Variants in NKAIN3 observed in about 807,000 individuals in gnomAD.
NKAIN3 encodes the protein sodium/potassium-transporting ATPase subunit beta-1-interacting protein 3.
Under a neutral mutation model 30.2 loss-of-function variants are expected in NKAIN3, and 25 were observed. The observed-to-expected ratio is 0.83, with a 90% CI of 0.60 to 1.16. The LOEUF (loss-of-function observed/expected upper bound fraction) is 1.16, where lower values mean the gene tolerates loss of function less well. NKAIN3 is among the 50% of genes most tolerant of loss of function. The probability of loss-of-function intolerance (pLI) is 0.00; values close to 1 mark genes in which losing one functional copy is unlikely to be tolerated. For missense variants in NKAIN3, 225 were observed against 254.1 expected (o/e 0.89, Z 0.78); for synonymous variants, 91 against 89.6 (o/e 1.02, Z -0.09).
chr8:62,316,601 T>C (rs1814640643), intron 1 of NKAIN3, among the ~76,000 whole-genome samples: 1 of 152,148 alleles, frequency 6.6e-6, no homozygotes, highest in South Asian at 2.1e-4. Flanking sequence ...CTACAAAGGA[T>C]ATGAACTCAT....
intron 4 of NKAIN3, among the ~76,000 whole-genome samples, chr8:62,782,140 T>C (rs759087106): frequency 2.0e-5 from 3 of 151,864 alleles, no homozygotes; most frequent in Non-Finnish European, 4.4e-5. Flanking sequence ...TAAAAGAAGA[T>C]ATGCAAATGG....
chr8:62,334,460 A>G (rs1815465945), intron 1 of NKAIN3, among the ~76,000 whole-genome samples: 1 of 152,120 alleles, frequency 6.6e-6, no homozygotes, highest in South Asian at 2.1e-4. Flanking sequence ...CAGTCCTTGC[A>G]TTAGAACCTC....
At chr8:62,492,270 G>C (rs948118505) in intron 1 of NKAIN3, among the ~76,000 whole-genome samples, 1 of 152,150 alleles carries the variant, frequency 6.6e-6, no homozygotes, top group Non-Finnish European at 1.5e-5. Context: ...GTAGAGTGCA[G>C]TATTTATTTA....
In NKAIN3 at chr8:62,494,611, C is replaced by T. The variant is rs1230929490; in HGVS notation, c.55-84928C>T. On this transcript the variant is annotated intron_variant, in intron 1 of 6. Coordinates refer to ENST00000623646, the MANE Select transcript of NKAIN3 (RefSeq NM_001304533.3). ...GGAATGCTACCAGCTTTTCCTTGTACATCTGGTAGAACTTGGCTGTGAGTT... is the reference window on the plus strand; with the variant it reads ...GGAATGCTACCAGCTTTTCCTTGTATATCTGGTAGAACTTGGCTGTGAGTT... 2.0e-5 allele frequency among the ~76,000 whole-genome samples: 3 copies of T among 152,200 alleles called. No homozygotes were observed. In the East Asian group the frequency reaches 5.8e-4, roughly 29 times the overall value.
intron 4 of NKAIN3, among the ~76,000 whole-genome samples, chr8:62,840,797 A>C (rs1361076595): frequency 6.6e-6 from 1 of 152,142 alleles, no homozygotes; most frequent in Admixed American, 6.6e-5. Flanking sequence ...AAATGTCTCT[A>C]TTGAATATAT....
chr8:62,495,038 A>G (rs916648706), intron 1 of NKAIN3, among the ~76,000 whole-genome samples: 2 of 152,054 alleles, frequency 1.3e-5, no homozygotes, highest in African/African-American at 4.8e-5. Context: ...TTTAAAGGTT[A>G]CTTGGAAATC....
At chr8:62,888,941 T>C (rs1209014559) in intron 4 of NKAIN3, among the ~76,000 whole-genome samples, 1 of 152,200 alleles carries the variant, frequency 6.6e-6, no homozygotes, top group Non-Finnish European at 1.5e-5. Flanking sequence ...GTTGAACTGA[T>C]TTGAGAGGTT....
intron 3 of NKAIN3, among the ~76,000 whole-genome samples, chr8:62,625,752 G>C (rs1811768836): frequency 6.6e-6 from 1 of 152,028 alleles, no homozygotes; most frequent in South Asian, 2.1e-4. Context: ...AGAGTGAGAA[G>C]GAATTGGAAA....
At chr8:62,907,050 A>G (rs946174347) in intron 4 of NKAIN3, among the ~76,000 whole-genome samples, 1 of 152,212 alleles carries the variant, frequency 6.6e-6, no homozygotes, top group Non-Finnish European at 1.5e-5. Flanking sequence ...AAATGCTGAT[A>G]GTGATATGGA....
intron 4 of NKAIN3, among the ~76,000 whole-genome samples, chr8:62,891,620 G>T (rs1247916820): frequency 6.6e-6 from 1 of 152,132 alleles, no homozygotes; most frequent in Non-Finnish European, 1.5e-5. Flanking sequence ...AATCGAGCCA[G>T]CTTGACTTCA....
intron 3 of NKAIN3, among the ~76,000 whole-genome samples, chr8:62,721,307 A>G (rs1815083482): frequency 6.6e-6 from 1 of 152,234 alleles, no homozygotes; most frequent in Non-Finnish European, 1.5e-5. Context: ...TGCCTAAGGT[A>G]TTATCATACT....
intron 1 of NKAIN3, among the ~76,000 whole-genome samples, chr8:62,314,281 CT>C (rs1339367818): frequency 6.6e-6 from 1 of 152,090 alleles, no homozygotes; most frequent in Non-Finnish European, 1.5e-5. Flanking sequence ...GAAAATGCTC[CT>C]GGTGTATTAA....
chr8:62,821,825 CTAAA>C (rs1273618224), intron 4 of NKAIN3, among the ~76,000 whole-genome samples: 1 of 150,492 alleles, frequency 6.6e-6, no homozygotes, highest in Non-Finnish European at 1.5e-5. Context: ...GTGAGTTTTA[CTAAA>C]TGACATTAAA....
rs1020086818 is a variant in NKAIN3, at chr8:62,492,690, T to G, written c.55-86849T>G. ...TCTACCAATTTTGAAATTACGCTTTTTTTGCAGCTTCATGTGAATAACAGA... is the reference window on the plus strand; with the variant it reads ...TCTACCAATTTTGAAATTACGCTTTGTTTGCAGCTTCATGTGAATAACAGA... On this transcript the variant is annotated intron_variant, in intron 1 of 6. Coordinates refer to ENST00000623646, the MANE Select transcript of NKAIN3 (RefSeq NM_001304533.3). Among the ~76,000 whole-genome samples, 4 of 152,296 alleles carry G rather than the reference T, an allele frequency of 2.6e-5. No homozygotes were observed. In the South Asian group the frequency reaches 8.3e-4, roughly 32 times the overall value.
At chr8:62,866,421 C>T (rs149782789) in intron 4 of NKAIN3, among the ~76,000 whole-genome samples, 2,540 of 152,172 alleles carry the variant, frequency 0.017, 30 homozygotes, top group South Asian at 0.042. Flanking sequence ...TATTGTCTTT[C>T]CATGAAATGA....
At chr8:62,823,437 T>C (rs936034976) in intron 4 of NKAIN3, among the ~76,000 whole-genome samples, 2 of 152,110 alleles carry the variant, frequency 1.3e-5, no homozygotes, top group African/African-American at 4.8e-5. Flanking sequence ...TCACAGGATA[T>C]AGTTCAATAA....
chr8:62,538,491 G>C (rs754332996), intron 1 of NKAIN3, among the ~76,000 whole-genome samples: 2 of 152,118 alleles, frequency 1.3e-5, no homozygotes, highest in Non-Finnish European at 2.9e-5. Flanking sequence ...TAGCTTTATA[G>C]TTTTCCTTAA....
In NKAIN3 at chr8:62,341,952, C is replaced by T. The variant is rs1815761377; in HGVS notation, c.54+92825C>T. ...TATGTAAATTTTTATTGCAAGCCAC[C>T]CCACAAATGCTTTTTGAAAGCTAAT... On this transcript the variant is annotated intron_variant, in intron 1 of 6. Coordinates refer to ENST00000623646, the MANE Select transcript of NKAIN3 (RefSeq NM_001304533.3). Among the ~76,000 whole-genome samples the T allele has an allele frequency of 2.6e-5, 4 of 151,714 alleles. No individual in the cohort carries two copies. In the South Asian group the frequency reaches 8.3e-4, roughly 32 times the overall value.
At chr8:62,397,262 T>TAA (rs5891852) in intron 1 of NKAIN3, among the ~76,000 whole-genome samples, 1 of 150,042 alleles carries the variant, frequency 6.7e-6, no homozygotes, top group South Asian at 2.1e-4. Context: ...TCTTTTTCCT[T>TAA]AAAAAAAAAA....
Sources: gnomAD v4.1 joint callset for allele counts (sites outside exome capture counted in the v4.1 genomes callset) on GRCh38, gnomAD v4.1.1 for gene constraint, MANE v1.5 for transcripts, NCBI Gene and HGNC (gene_info 2026-07-23, HGNC 2026-07-21) for gene names.